Variants in SLC35F3 observed in about 807,000 individuals in gnomAD.
The protein encoded by SLC35F3 is putative thiamine transporter SLC35F3.
A neutral mutation model predicts 49.9 loss-of-function variants in SLC35F3; 25 were observed. The ratio of observed to expected loss-of-function variants is 0.50; its 90% CI spans 0.37 to 0.70. SLC35F3 has a LOEUF of 0.70. SLC35F3 is among the 30% of genes least tolerant of loss of function. SLC35F3 has a pLI of 0.00. For missense variants in SLC35F3, 525 were observed against 639.8 expected, an observed-to-expected ratio of 0.82 and a Z score of 1.94; for synonymous variants, 275 against 265.4, an observed-to-expected ratio of 1.04 and a Z score of -0.35.
At chr1:234,047,795 A>G (rs1445637459) in intron 2 of SLC35F3, among the ~76,000 whole-genome samples, 1 of 152,192 alleles carries the variant, frequency 6.6e-6, no homozygotes, top group East Asian at 1.9e-4. Context: ...GGACCATGCT[A>G]GTAAAACATT....
intron 3 of SLC35F3, among the ~76,000 whole-genome samples, chr1:234,252,590 G>A (rs1007009467): frequency 6.6e-6 from 1 of 152,164 alleles, no homozygotes; most frequent in Non-Finnish European, 1.5e-5. Context: ...CATAGGAAAG[G>A]ACATTGAAAT....
intron 2 of SLC35F3, among the ~76,000 whole-genome samples, chr1:234,199,581 G>T (rs758553225): frequency 2.0e-5 from 3 of 152,162 alleles, no homozygotes; most frequent in Non-Finnish European, 4.4e-5. Context: ...ACATTGGTCT[G>T]GGCAATGATT....
At chr1:234,124,150 G>A (rs1381732884) in intron 2 of SLC35F3, among the ~76,000 whole-genome samples, 1 of 152,130 alleles carries the variant, frequency 6.6e-6, no homozygotes, top group Non-Finnish European at 1.5e-5. Context: ...ACTCTTACTG[G>A]ATACCAGCCA....
At chr1:234,045,444 A>G (rs1664275290) in intron 2 of SLC35F3, among the ~76,000 whole-genome samples, 1 of 152,148 alleles carries the variant, frequency 6.6e-6, no homozygotes, top group Non-Finnish European at 1.5e-5. Context: ...GCTCTGAAGT[A>G]GGTGTATTAC....
intron 3 of SLC35F3, chr1:234,274,111 C>T (rs1480625949): frequency 6.6e-6 from 1 of 152,190 alleles, no homozygotes; most frequent in Non-Finnish European, 1.5e-5. Context: ...GTTGATAGTT[C>T]TCAGGGGGAA....
chr1:234,056,381 C>T (rs1664457151), intron 2 of SLC35F3, among the ~76,000 whole-genome samples: 1 of 151,938 alleles, frequency 6.6e-6, no homozygotes, highest in Admixed American at 6.6e-5. Context: ...ATGTATAACT[C>T]ACATACTATA....
chr1:233,934,749 A>T (rs1662297217), intron 2 of SLC35F3, among the ~76,000 whole-genome samples: 1 of 151,640 alleles, frequency 6.6e-6, no homozygotes, highest in African/African-American at 2.4e-5. Flanking sequence ...TTAATTTTAA[A>T]ATAATCAAAA....
intron 2 of SLC35F3, among the ~76,000 whole-genome samples, chr1:234,061,373 T>G (rs748766184): frequency 6.6e-6 from 1 of 152,166 alleles, no homozygotes; most frequent in Non-Finnish European, 1.5e-5. Context: ...AGTTTTCTCT[T>G]TCTGCTTTCA....
chr1:234,136,902 G>C (rs1293045140), intron 2 of SLC35F3, among the ~76,000 whole-genome samples: 5 of 152,160 alleles, frequency 3.3e-5, no homozygotes, highest in Non-Finnish European at 7.4e-5. Flanking sequence ...CCACCGCTTT[G>C]GTAGTTGATT....
At chr1:234,093,830 C>G (rs1051478130) in intron 2 of SLC35F3, among the ~76,000 whole-genome samples, 3 of 152,232 alleles carry the variant, frequency 2.0e-5, no homozygotes, top group African/African-American at 7.2e-5. Context: ...CTATGTCTTG[C>G]CATTTCCCCT....
chr1:233,918,814 CTCTA>C (rs148296016), intron 2 of SLC35F3, among the ~76,000 whole-genome samples: 14,626 of 60,060 alleles, frequency 0.24, 807 homozygotes, highest in South Asian at 0.41. Context: ...CTCTCTCTCT[CTCTA>C]TATATATATA....
intron 2 of SLC35F3, among the ~76,000 whole-genome samples, chr1:233,966,967 C>T (rs1445304010): frequency 2.0e-5 from 3 of 152,182 alleles, no homozygotes; most frequent in Admixed American, 1.3e-4. Flanking sequence ...AGGTCCTTTG[C>T]ATCTGTGGAA....
intron 3 of SLC35F3, among the ~76,000 whole-genome samples, chr1:234,248,040 TA>T: frequency 6.6e-6 from 1 of 152,084 alleles, no homozygotes; most frequent in East Asian, 1.9e-4. Flanking sequence ...CATTGTTTGG[TA>T]GGTTGAATGG....
chr1:234,055,408 G>T (rs6673202), intron 2 of SLC35F3, among the ~76,000 whole-genome samples: 19,977 of 152,240 alleles, frequency 0.13, 1,622 homozygotes, highest in Non-Finnish European at 0.18. Context: ...ATTTCAGACT[G>T]CTGTGCTAGC....
intron 2 of SLC35F3, among the ~76,000 whole-genome samples, chr1:234,018,897 G>A (rs141139015): frequency 1.1e-3 from 169 of 152,286 alleles, no homozygotes; most frequent in African/African-American, 3.8e-3. Context: ...TTGGGTGTGC[G>A]CACTGAGTAC....
At chr1:234,101,568 TAAGA>T (rs1469120374) in intron 2 of SLC35F3, among the ~76,000 whole-genome samples, 10 of 152,208 alleles carry the variant, frequency 6.6e-5, no homozygotes, top group Admixed American at 3.3e-4. Flanking sequence ...GAGGATTAAA[TAAGA>T]AAGCATACGA....
intron 3 of SLC35F3, among the ~76,000 whole-genome samples, chr1:234,278,071 T>A (rs1186493511): frequency 6.6e-6 from 1 of 151,890 alleles, no homozygotes; most frequent in Non-Finnish European, 1.5e-5. Context: ...CATGCGCCTG[T>A]GGTCCCACCT....
intron 2 of SLC35F3, among the ~76,000 whole-genome samples, chr1:234,070,073 G>A (rs1303328341): frequency 4.6e-5 from 7 of 152,154 alleles, no homozygotes; most frequent in Non-Finnish European, 1.0e-4. Flanking sequence ...TGGAAAGAAC[G>A]TGCAGAGCCA....
chr1:234,268,535 T>G (rs1428330317), intron 3 of SLC35F3: 1 of 152,202 alleles, frequency 6.6e-6, no homozygotes, highest in Non-Finnish European at 1.5e-5. Context: ...AATTCCATGC[T>G]AGGCTTTTAT....
Sources: gnomAD v4.1 joint callset for allele counts (sites outside exome capture counted in the v4.1 genomes callset) on GRCh38, gnomAD v4.1.1 for gene constraint, MANE v1.5 for transcripts, NCBI Gene and HGNC (gene_info 2026-07-23, HGNC 2026-07-21) for gene names.